NHS: variants seen among roughly 807,000 people sequenced by gnomAD.
The protein encoded by NHS is actin remodeling regulator NHS.
A neutral mutation model predicts 72.5 loss-of-function variants in NHS; 5 were observed. The observed-to-expected ratio is 0.07, with a 90% CI of 0.04 to 0.14. The LOEUF (loss-of-function observed/expected upper bound fraction) is 0.14, where lower values mean the gene tolerates loss of function less well. Among genes scored for constraint, NHS ranks in the 10% least tolerant of loss-of-function variants. The probability of loss-of-function intolerance (pLI) is 1.00; values close to 1 mark genes in which losing one functional copy is unlikely to be tolerated. For synonymous variants in NHS, 464 were observed against 547.7 expected, an observed-to-expected ratio of 0.85 and a Z score of 2.13; for missense variants, 1,072 against 1,355.7, an observed-to-expected ratio of 0.79 and a Z score of 3.29.
intron 1 of NHS, among the ~76,000 whole-genome samples, chrX:17,579,352 A>G (rs978855592): frequency 9.0e-6 from 1 of 111,559 alleles, no homozygotes; most frequent in Non-Finnish European, 1.9e-5. Context: ...ATGAATGAGA[A>G]AAAGCGGAAC....
At chrX:17,460,464 T>C (rs771959608) in intron 1 of NHS, among the ~76,000 whole-genome samples, 50 of 110,938 alleles carry the variant, frequency 4.5e-4, no homozygotes, top group African/African-American at 1.5e-3. Context: ...TTTAAAATCA[T>C]CAGATCTGGT....
intron 3 of NHS, among the ~76,000 whole-genome samples, chrX:17,714,964 TCTTA>T (rs779805151): frequency 1.8e-5 from 2 of 112,426 alleles, no homozygotes; most frequent in African/African-American, 3.2e-5. Context: ...CTCAGAACAA[TCTTA>T]CTTCTTTTGA....
At chrX:17,554,413 G>T (rs2065355523) in intron 1 of NHS, among the ~76,000 whole-genome samples, 1 of 112,030 alleles carries the variant, frequency 8.9e-6, no homozygotes, top group Non-Finnish European at 1.9e-5. Flanking sequence ...CTGGAGGGGG[G>T]ACACGGGTCA....
At chrX:17,631,301 T>C (rs1463469247) in intron 1 of NHS, among the ~76,000 whole-genome samples, 1 of 112,314 alleles carries the variant, frequency 8.9e-6, no homozygotes, top group African/African-American at 3.2e-5. Flanking sequence ...CAAAAAGGGA[T>C]ATTTGACCAA....
rs766662277 is a variant in NHS, at chrX:17,521,366, C to CTTTTTT, written c.565+145052_565+145057dup. ...AGTTCTACCTTTTTCTCCCTTCCCT[C>CTTTTTT]TTTTTTTTTTTTTGAGACAGGGTCT... On this transcript the variant is annotated intron_variant, in intron 1 of 8. Transcript: ENST00000676302. 6.9e-3 allele frequency among the ~76,000 whole-genome samples: 668 copies of CTTTTTT among 97,333 alleles called. 37 individuals carry two copies. Among genetic ancestry groups the CTTTTTT allele is most frequent in the African/African-American group, 0.028 (639 of 23,144 alleles). 84.5% of individuals were successfully genotyped at this position (97,333 alleles called of 115,157 possible).
chrX:17,389,821 C>T (rs1358081623), intron 1 of NHS, among the ~76,000 whole-genome samples: 4 of 110,241 alleles, frequency 3.6e-5, no homozygotes, highest in Non-Finnish European at 7.6e-5. Context: ...AGGCTGGTCT[C>T]GAACTCCTGA....
chrX:17,656,262 G>A (rs1297268364), intron 1 of NHS, among the ~76,000 whole-genome samples: 1 of 113,362 alleles, frequency 8.8e-6, no homozygotes, highest in African/African-American at 3.2e-5. Context: ...GCTGCCCAGG[G>A]CCGAGCCTGA....
Position 17,375,605 on chromosome X carries a change from G to A in NHS, c.-153G>A. ...CTAGGGAGAGGGCGGGGAAGAGGAGGCAAGGTGAGCAGAGAAGCCCCCTGC... is the reference window on the plus strand; with the variant it reads ...CTAGGGAGAGGGCGGGGAAGAGGAGACAAGGTGAGCAGAGAAGCCCCCTGC... On this transcript the variant is annotated 5_prime_UTR_variant, in exon 1 of 9. Coordinates refer to ENST00000676302, the MANE Select transcript of NHS (RefSeq NM_001291867.2). 3.9e-6 allele frequency: 2 copies of A among 517,694 alleles called. No individual in the cohort carries two copies. The highest frequency in any genetic ancestry group is 3.8e-5 in the East Asian group (1 of 26,206). The allele number at this position is 517,694 out of a possible 1,213,427, so 42.7% of individuals were successfully genotyped here.
chrX:17,682,436 T>C (rs2066135755), intron 1 of NHS, among the ~76,000 whole-genome samples: 1 of 111,639 alleles, frequency 9.0e-6, no homozygotes, highest in Admixed American at 9.5e-5. Context: ...GATGTGTTCC[T>C]GCCCACAAAG....
chrX:17,690,351 T>G (rs762615015), intron 2 of NHS, among the ~76,000 whole-genome samples: 1 of 112,463 alleles, frequency 8.9e-6, no homozygotes, highest in Admixed American at 9.4e-5. Context: ...CAGCAAATGC[T>G]GCAGTGAGCA....
At position 17,470,789 on chromosome X, in the gene NHS, C is replaced by G. The variant is rs148001398; in HGVS notation, c.565+94467C>G. On this transcript the variant is annotated intron_variant, in intron 1 of 8. Coordinates refer to ENST00000676302, the MANE Select transcript of NHS (RefSeq NM_001291867.2). Reference sequence around the variant, plus strand: ...TAATAAAGTAGACCTTTTCTTACCTCCCTATCTAAAATGACATCTCCATCA... The same window carrying G: ...TAATAAAGTAGACCTTTTCTTACCTGCCTATCTAAAATGACATCTCCATCA... 3.1e-3 allele frequency among the ~76,000 whole-genome samples: 342 copies of G among 111,714 alleles called. 3 individuals carry two copies. The highest frequency in any genetic ancestry group is 0.011 in the African/African-American group (324 of 30,736).
chrX:17,628,584 T>G (rs910938626), intron 1 of NHS, among the ~76,000 whole-genome samples: 1 of 113,134 alleles, frequency 8.8e-6, no homozygotes, highest in East Asian at 2.8e-4. Flanking sequence ...TAGCTGGGAT[T>G]TCAATCCTGC....
chrX:17,497,538 A>C (rs1300089288), intron 1 of NHS, among the ~76,000 whole-genome samples: 1 of 112,119 alleles, frequency 8.9e-6, no homozygotes, highest in Non-Finnish European at 1.9e-5. Context: ...GTTAGTTAGA[A>C]TTGAAAGCCC....
At chrX:17,530,924 A>G (rs1254769699) in intron 1 of NHS, among the ~76,000 whole-genome samples, 1 of 111,338 alleles carries the variant, frequency 9.0e-6, no homozygotes, top group East Asian at 2.8e-4. Flanking sequence ...CAACCTCCCA[A>G]AGTGCTGGAA....
chrX:17,571,674 T>C (rs762215129), intron 1 of NHS, among the ~76,000 whole-genome samples: 1 of 112,224 alleles, frequency 8.9e-6, no homozygotes, highest in South Asian at 3.7e-4. Context: ...CCTTCAGTTC[T>C]GCTCTGATCT....
At chrX:17,542,356 G>A (rs1204305732) in intron 1 of NHS, among the ~76,000 whole-genome samples, 1 of 113,362 alleles carries the variant, frequency 8.8e-6, no homozygotes, top group Non-Finnish European at 1.9e-5. Context: ...GGGAAACTTG[G>A]CATCACTGCC....
chrX:17,572,405 C>G (rs1218639774), intron 1 of NHS, among the ~76,000 whole-genome samples: 2 of 108,793 alleles, frequency 1.8e-5, no homozygotes, highest in African/African-American at 6.8e-5. Flanking sequence ...GAATTGATCC[C>G]TTTACCATTA....
At chrX:17,406,187 T>C (rs1013898219) in intron 1 of NHS, among the ~76,000 whole-genome samples, 3 of 111,918 alleles carry the variant, frequency 2.7e-5, no homozygotes, top group Non-Finnish European at 5.6e-5. Flanking sequence ...AGAGTTATTA[T>C]GTCAGTCTTA....
At chrX:17,446,232 A>G (rs2064779227) in intron 1 of NHS, among the ~76,000 whole-genome samples, 3 of 110,175 alleles carry the variant, frequency 2.7e-5, no homozygotes, top group Non-Finnish European at 5.7e-5. Context: ...ACCACCCCCC[A>G]AAATTTTTGC....
Sources: allele counts gnomAD v4.1 joint callset (sites outside exome capture counted in the v4.1 genomes callset), GRCh38; gene constraint gnomAD v4.1.1; transcripts MANE v1.5; gene names NCBI Gene and HGNC (gene_info 2026-07-23, HGNC 2026-07-21).